Variants in ATP9B observed in about 807,000 individuals in gnomAD.
The protein encoded by ATP9B is ATPase phospholipid transporting 9B.
Under a neutral mutation model 146.1 loss-of-function variants are expected in ATP9B, and 110 were observed. The observed-to-expected ratio is 0.75, with a 90% CI of 0.65 to 0.88. ATP9B has a LOEUF of 0.88. Ranked by LOEUF, ATP9B falls within the 40% of genes least tolerant of loss-of-function variation. The pLI, the probability that ATP9B is intolerant of heterozygous loss-of-function variation, is 0.00. For synonymous variants in ATP9B, 604 were observed against 569.7 expected (o/e 1.06, Z -0.86); for missense variants, 1,499 against 1,496.4 (o/e 1.00, Z -0.03).
intron 7 of ATP9B, among the ~76,000 whole-genome samples, chr18:79,163,691 T>C (rs888958395): frequency 6.6e-6 from 1 of 152,132 alleles, no homozygotes; most frequent in Non-Finnish European, 1.5e-5. Flanking sequence ...ATAATTCTTT[T>C]GACAAATAAC....
chr18:79,353,101 C>T (rs940975369), intron 25 of ATP9B: 1 of 152,262 alleles, frequency 6.6e-6, no homozygotes, highest in Non-Finnish European at 1.5e-5. Flanking sequence ...TCTGCTACCA[C>T]GGAGGCCAGG....
At chr18:79,148,191 T>TA (rs143418736) in intron 6 of ATP9B, among the ~76,000 whole-genome samples, 11,102 of 152,176 alleles carry the variant, frequency 0.073, 554 homozygotes, top group East Asian at 0.19. Flanking sequence ...AGGAAGGAAA[T>TA]ACCTAGGTCC....
chr18:79,163,752 G>A (rs1023173439), intron 7 of ATP9B, among the ~76,000 whole-genome samples: 11 of 151,860 alleles, frequency 7.2e-5, no homozygotes, highest in African/African-American at 1.2e-4. Context: ...ATATATATGC[G>A]TGTATAATAT....
intron 11 of ATP9B, among the ~76,000 whole-genome samples, chr18:79,218,378 G>A (rs1435914460): frequency 2.0e-5 from 3 of 146,696 alleles, no homozygotes; most frequent in African/African-American, 5.1e-5. Context: ...TGTTTTCCTG[G>A]TGTTCCATGC....
Position 79,113,346 on chromosome 18 carries a change from G to A in ATP9B, c.550G>A (p.Ala184Thr), listed in dbSNP as rs145161958. The change falls in exon 4 of 30, where the codon GCT becomes ACT. Residue 184 changes from alanine to threonine, a missense_variant. Coordinates refer to ENST00000426216, the MANE Select transcript of ATP9B (RefSeq NM_198531.5). ...LKIGYLYTYW[A>T]PLGFVLAVTM... ...AATAGGCTATCTCTACACCTACTGG[G>A]CTCCTCTGGTAAGAAAAGACTTTAA... The A allele has an allele frequency of 9.1e-4, 1,395 of 1,535,810 alleles. 2 individuals are homozygous for A. Among genetic ancestry groups the A allele is most frequent in the Non-Finnish European group, 1.1e-3 (1,229 of 1,117,414 alleles).
At chr18:79,190,735 G>A (rs967779009) in intron 8 of ATP9B, among the ~76,000 whole-genome samples, 3 of 151,926 alleles carry the variant, frequency 2.0e-5, no homozygotes, top group Non-Finnish European at 2.9e-5. Flanking sequence ...TAGTAGAGAC[G>A]GAGTTTCTCC....
chr18:79,177,945 A>G (rs2095199877), intron 8 of ATP9B, among the ~76,000 whole-genome samples: 1 of 152,206 alleles, frequency 6.6e-6, no homozygotes, highest in African/African-American at 2.4e-5. Flanking sequence ...TTATATGTTT[A>G]GAGTTATTAC....
chr18:79,337,335 G>T lies in ATP9B; in HGVS notation c.2169G>T (p.Ala723=), dbSNP rs201479501. 7.9e-5 allele frequency: 128 copies of T among 1,614,090 alleles called. No individual in the cohort carries two copies. The highest frequency in any genetic ancestry group is 1.1e-4 in the Non-Finnish European group (128 of 1,180,036). Residue 723 remains alanine, a synonymous_variant, in exon 19 of 30, where the codon GCG becomes GCT. Coordinates refer to ENST00000426216, the MANE Select transcript of ATP9B (RefSeq NM_198531.5). The stretch of plus-strand genomic sequence containing the variant: ...ACGACAGGTCCCTCAAGGTGGCCGC[G>T]GTAGTCGAGAGCCTGGAGAGGGAGA... The part of the protein sequence containing the change: ...SMHDRSLKVA[A]VVESLEREME...
At chr18:79,247,484 AG>A (rs1276474738) in intron 11 of ATP9B, among the ~76,000 whole-genome samples, 2 of 152,216 alleles carry the variant, frequency 1.3e-5, no homozygotes, top group African/African-American at 4.8e-5. Flanking sequence ...GCACTCATGA[AG>A]CCCCCTTCAA....
intron 7 of ATP9B, among the ~76,000 whole-genome samples, chr18:79,164,139 G>C (rs947488045): frequency 3.8e-4 from 58 of 152,202 alleles, no homozygotes; most frequent in African/African-American, 1.4e-3. Context: ...TGCCCAAGCT[G>C]GTCTTGCACT....
chr18:79,222,257 G>A (rs2095687217), intron 11 of ATP9B, among the ~76,000 whole-genome samples: 1 of 152,068 alleles, frequency 6.6e-6, no homozygotes, highest in African/African-American at 2.4e-5. Flanking sequence ...TACTCAGGAG[G>A]CTGAGGCAAG....
intron 25 of ATP9B, among the ~76,000 whole-genome samples, chr18:79,355,073 AG>A (rs1239413360): frequency 6.6e-6 from 1 of 152,238 alleles, no homozygotes; most frequent in African/African-American, 2.4e-5. Context: ...TCCCCAGTGA[AG>A]GGGTAATGAG....
At position 79,373,956 on chromosome 18, in the gene ATP9B, G is replaced by A; in HGVS notation, c.3129G>A (p.Val1043=). The A allele has an allele frequency of 6.2e-7, 1 of 1,613,852 alleles. No homozygotes were observed. Reference sequence around the variant, plus strand: ...TCGAGTCTGAGTTCGTCCACGTGGTGGCCATCTCCTTCACCGCACTGATCC... The same window carrying A: ...TCGAGTCTGAGTTCGTCCACGTGGTAGCCATCTCCTTCACCGCACTGATCC... ...VLFESEFVHV[V]AISFTALILT... Residue 1043 remains valine, a synonymous_variant, in exon 28 of 30, where the codon GTG becomes GTA. Coordinates refer to ENST00000426216, the MANE Select transcript of ATP9B (RefSeq NM_198531.5).
At chr18:79,229,874 G>A (rs766311208) in intron 11 of ATP9B, among the ~76,000 whole-genome samples, 26 of 151,940 alleles carry the variant, frequency 1.7e-4, no homozygotes, top group Admixed American at 2.6e-4. Flanking sequence ...ACTTGTATTT[G>A]CATAATTTCA....
intron 13 of ATP9B, among the ~76,000 whole-genome samples, chr18:79,283,431 A>G (rs1599582856): frequency 6.6e-6 from 1 of 152,328 alleles, no homozygotes; most frequent in Middle Eastern, 3.4e-3. Flanking sequence ...CAGGAGTGTA[A>G]ATGGGGTCTG....
At chr18:79,185,112 G>C (rs1308383844) in intron 8 of ATP9B, among the ~76,000 whole-genome samples, 1 of 152,174 alleles carries the variant, frequency 6.6e-6, no homozygotes. Context: ...TTGCATGGGG[G>C]CACGGGGATA....
chr18:79,103,434 G>T (rs2075431632), intron 2 of ATP9B, among the ~76,000 whole-genome samples: 1 of 152,120 alleles, frequency 6.6e-6, no homozygotes, highest in Non-Finnish European at 1.5e-5. Flanking sequence ...CACACAGAAG[G>T]ATGATGTTCT....
chr18:79,103,284 T>A (rs2075416418), intron 2 of ATP9B, among the ~76,000 whole-genome samples: 1 of 147,848 alleles, frequency 6.8e-6, no homozygotes, highest in African/African-American at 2.6e-5. Context: ...TTTTTTTTTT[T>A]TAAGAAATCT....
chr18:79,370,808 C>T (rs2097064908), intron 26 of ATP9B, among the ~76,000 whole-genome samples: 1 of 152,164 alleles, frequency 6.6e-6, no homozygotes, highest in East Asian at 1.9e-4. Flanking sequence ...CACATAGACA[C>T]CAATCATTGA....
Sources: allele counts gnomAD v4.1 joint callset (sites outside exome capture counted in the v4.1 genomes callset), GRCh38; gene constraint gnomAD v4.1.1; transcripts MANE v1.5; gene names NCBI Gene and HGNC (gene_info 2026-07-23, HGNC 2026-07-21).